Variants in PRKG1 observed in about 807,000 individuals in gnomAD.
PRKG1 encodes cGMP-dependent protein kinase 1.
In PRKG1, 35 loss-of-function variants were observed where a neutral mutation model predicts 88.1. That is an observed-to-expected ratio of 0.40 (90% CI 0.30 to 0.53). The LOEUF (loss-of-function observed/expected upper bound fraction) is 0.53, where lower values mean the gene tolerates loss of function less well. PRKG1 is among the 20% of genes least tolerant of loss of function. The pLI is 0.59. For synonymous variants in PRKG1, 303 were observed against 292.5 expected (o/e 1.04, Z -0.37); for missense variants, 540 against 839.8 (o/e 0.64, Z 4.41).
At chr10:51,326,069 C>T (rs1841585203) in intron 2 of PRKG1, among the ~76,000 whole-genome samples, 2 of 152,226 alleles carry the variant, frequency 1.3e-5, no homozygotes, top group Non-Finnish European at 2.9e-5. Flanking sequence ...CCCACTTTTG[C>T]ACTAGGTGTT....
intron 1 of PRKG1, among the ~76,000 whole-genome samples, chr10:50,994,502 C>T (rs142996170): frequency 0.017 from 2,516 of 148,608 alleles, 38 homozygotes; most frequent in South Asian, 0.041. Flanking sequence ...GCTCCGCCTC[C>T]CGCGTTCACG....
chr10:51,242,218 G>A (rs2132126428), intron 2 of PRKG1, among the ~76,000 whole-genome samples: 1 of 152,254 alleles, frequency 6.6e-6, no homozygotes, highest in Admixed American at 6.5e-5. Context: ...AGTGTCAGAA[G>A]CCTGTAGAAT....
At chr10:51,877,045 C>T (rs1048456783) in intron 4 of PRKG1, among the ~76,000 whole-genome samples, 1 of 152,166 alleles carries the variant, frequency 6.6e-6, no homozygotes, top group Admixed American at 6.5e-5. Context: ...GAGAACCCCA[C>T]ATAAAACAAA....
Position 51,172,648 on chromosome 10 carries a change from GTATCTATCTATCTATCTATC to G in PRKG1, c.478+19348_478+19367del, listed in dbSNP as rs151084687. On this transcript the variant is annotated intron_variant, in intron 2 of 17. Transcript: ENST00000373980. ...TGTATGTATGTATGTATGTATGTAT[GTATCTATCTATCTATCTATC>G]TATCTATCTATCTATCTATCTATCT... Among the ~76,000 whole-genome samples, 317 of 41,004 alleles carry G rather than the reference GTATCTATCTATCTATCTATC, an allele frequency of 7.7e-3. 1 individual carries two copies. Among genetic ancestry groups the G allele is most frequent in the East Asian group, 0.016 (20 of 1,284 alleles). The allele number at this position is 41,004 out of a possible 152,430, so 26.9% of individuals were successfully genotyped here. A position where few individuals can be genotyped will look rare whatever the true frequency, so the allele number is the denominator to read the frequency against.
At chr10:51,781,801 T>C (rs12257926) in intron 3 of PRKG1, among the ~76,000 whole-genome samples, 15,868 of 152,144 alleles carry the variant, frequency 0.1, 930 homozygotes, top group African/African-American at 0.14. Flanking sequence ...TAGAAGTCCC[T>C]GTAATTCCCT....
intron 2 of PRKG1, among the ~76,000 whole-genome samples, chr10:51,251,949 G>T (rs748994347): frequency 5.9e-5 from 9 of 151,788 alleles, no homozygotes; most frequent in Non-Finnish European, 1.0e-4. Flanking sequence ...AGTAATAAAT[G>T]AAGACTCAAG....
chr10:51,191,687 T>G (rs896106273), intron 2 of PRKG1, among the ~76,000 whole-genome samples: 3 of 151,776 alleles, frequency 2.0e-5, no homozygotes, highest in African/African-American at 7.2e-5. Flanking sequence ...CCTCATTTTA[T>G]AGACCATCAA....
chr10:51,577,495 T>C (rs10823230), intron 3 of PRKG1, among the ~76,000 whole-genome samples: 50,602 of 151,888 alleles, frequency 0.33, 10,272 homozygotes, highest in East Asian at 0.88. Flanking sequence ...GTGGTATTCC[T>C]ATCGAAATGC....
chr10:51,055,064 G>T (rs1016730550), intron 1 of PRKG1, among the ~76,000 whole-genome samples: 1 of 152,054 alleles, frequency 6.6e-6, no homozygotes, highest in Non-Finnish European at 1.5e-5. Context: ...CCATATTCCA[G>T]GTTTGGTGAG....
At chr10:51,216,715 G>T (rs1838381039) in intron 2 of PRKG1, among the ~76,000 whole-genome samples, 1 of 152,124 alleles carries the variant, frequency 6.6e-6, no homozygotes, top group Non-Finnish European at 1.5e-5. Flanking sequence ...TAAGATGTTT[G>T]AACTAAGATT....
intron 3 of PRKG1, among the ~76,000 whole-genome samples, chr10:51,804,350 T>C (rs1169886413): frequency 6.6e-6 from 1 of 152,138 alleles, no homozygotes; most frequent in African/African-American, 2.4e-5. Flanking sequence ...AACAGGAATC[T>C]TCCTAGTAGA....
At chr10:51,363,157 A>G (rs1842519220) in intron 2 of PRKG1, among the ~76,000 whole-genome samples, 1 of 151,690 alleles carries the variant, frequency 6.6e-6, no homozygotes, top group African/African-American at 2.4e-5. Context: ...AATGACAATC[A>G]TTGAATATTT....
chr10:51,577,608 C>T (rs1221175621), intron 3 of PRKG1, among the ~76,000 whole-genome samples: 3 of 151,994 alleles, frequency 2.0e-5, no homozygotes, highest in Admixed American at 2.0e-4. Context: ...TTACCACTTA[C>T]AAGTCAGTTT....
At chr10:51,289,286 C>T (rs1431418429) in intron 2 of PRKG1, among the ~76,000 whole-genome samples, 1 of 152,106 alleles carries the variant, frequency 6.6e-6, no homozygotes, top group Non-Finnish European at 1.5e-5. Context: ...GCACCACTGT[C>T]TGTTACCATG....
chr10:51,119,082 C>T (rs1589166054), intron 1 of PRKG1, among the ~76,000 whole-genome samples: 1 of 152,076 alleles, frequency 6.6e-6, no homozygotes, highest in Admixed American at 6.6e-5. Flanking sequence ...ACCTCCAAAA[C>T]GCAATAAATT....
At chr10:51,034,008 T>C (rs191712272) in intron 1 of PRKG1, among the ~76,000 whole-genome samples, 2 of 152,282 alleles carry the variant, frequency 1.3e-5, no homozygotes, top group African/African-American at 4.8e-5. Flanking sequence ...CCAGAGACAA[T>C]GAGATGCCTC....
At chr10:52,016,846 A>G (rs1331477430) in intron 5 of PRKG1, among the ~76,000 whole-genome samples, 4 of 152,182 alleles carry the variant, frequency 2.6e-5, no homozygotes, top group Non-Finnish European at 5.9e-5. Context: ...AGAACAAGGT[A>G]AAATACAGAA....
chr10:51,040,186 T>C (rs898167077), intron 1 of PRKG1, among the ~76,000 whole-genome samples: 1 of 151,602 alleles, frequency 6.6e-6, no homozygotes, highest in African/African-American at 2.4e-5. Context: ...ATTTTAACAA[T>C]GTTGATTCTT....
chr10:51,855,541 C>G (rs1021624361), intron 4 of PRKG1, among the ~76,000 whole-genome samples: 1 of 152,214 alleles, frequency 6.6e-6, no homozygotes, highest in African/African-American at 2.4e-5. Context: ...CAATCATTCT[C>G]TCAGTCCAAG....
Sources: allele counts gnomAD v4.1 joint callset (sites outside exome capture counted in the v4.1 genomes callset), GRCh38; gene constraint gnomAD v4.1.1; transcripts MANE v1.5; gene names NCBI Gene and HGNC (gene_info 2026-07-23, HGNC 2026-07-21).